Variants in PRKAG2 observed in about 807,000 individuals in gnomAD.
PRKAG2 encodes 5'-AMP-activated protein kinase subunit gamma-2.
In PRKAG2, 26 loss-of-function variants were observed where a neutral mutation model predicts 69.6. The observed-to-expected ratio is 0.37, with a 90% CI of 0.27 to 0.52. PRKAG2 has a LOEUF of 0.52. PRKAG2 is among the 20% of genes least tolerant of loss of function. The probability of loss-of-function intolerance (pLI) is 0.90; values close to 1 mark genes in which losing one functional copy is unlikely to be tolerated. For missense variants in PRKAG2, 557 were observed against 740.0 expected, an observed-to-expected ratio of 0.75 and a Z score of 2.87; for synonymous variants, 293 against 285.0, an observed-to-expected ratio of 1.03 and a Z score of -0.28.
chr7:151,816,879 G>A (rs773870572), intron 1 of PRKAG2, among the ~76,000 whole-genome samples: 1 of 152,214 alleles, frequency 6.6e-6, no homozygotes, highest in Non-Finnish European at 1.5e-5. Context: ...TGGAAAAGCT[G>A]GAAATGTCAG....
At chr7:151,860,498 G>A (rs2079891950) in intron 1 of PRKAG2, among the ~76,000 whole-genome samples, 1 of 152,174 alleles carries the variant, frequency 6.6e-6, no homozygotes, top group Non-Finnish European at 1.5e-5. Flanking sequence ...GTGGAAGGGG[G>A]TGTGGGTTTC....
intron 3 of PRKAG2, among the ~76,000 whole-genome samples, chr7:151,689,340 G>A (rs1003661616): frequency 1.3e-5 from 2 of 152,162 alleles, no homozygotes; most frequent in Non-Finnish European, 2.9e-5. Flanking sequence ...ATGAGGCACA[G>A]GTGGGAAGGG....
chr7:151,772,160 A>C (rs1055189130), intron 3 of PRKAG2, among the ~76,000 whole-genome samples: 3 of 152,206 alleles, frequency 2.0e-5, no homozygotes, highest in African/African-American at 7.2e-5. Context: ...CCAGGGTGTC[A>C]AAGGAAGGCC....
chr7:151,845,050 G>A (rs567259277), intron 1 of PRKAG2, among the ~76,000 whole-genome samples: 1 of 150,280 alleles, frequency 6.7e-6, no homozygotes, highest in South Asian at 2.1e-4. Flanking sequence ...CCCGCACAAG[G>A]GTGCTGGGAG....
intron 2 of PRKAG2, among the ~76,000 whole-genome samples, chr7:151,783,345 G>C (rs1287257030): frequency 6.6e-6 from 1 of 152,100 alleles, no homozygotes; most frequent in African/African-American, 2.4e-5. Context: ...GTGTAGTTCT[G>C]TTTTTTGTTT....
rs767352696 is a variant in PRKAG2 at position 151,614,665 on chromosome 7, C to T, written c.754+17404G>A. Among the ~76,000 whole-genome samples the T allele has an allele frequency of 2.0e-5, 3 of 152,188 alleles. No individual in the cohort carries two copies. Among genetic ancestry groups the T allele is most frequent in the Non-Finnish European group, 4.4e-5 (3 of 68,038 alleles). ...TGCCTTTCTTTCAGAGCAAACAGCTCGCAGTGATGATCTGTGGCCCTAAGC... is the reference window on the plus strand; with the variant it reads ...TGCCTTTCTTTCAGAGCAAACAGCTTGCAGTGATGATCTGTGGCCCTAAGC... On this transcript the variant is annotated intron_variant, in intron 5 of 15. Transcript: ENST00000287878. The surrounding 1 kb of genome is among the most constrained non-coding windows in gnomAD (Gnocchi z 4.4).
intron 1 of PRKAG2, among the ~76,000 whole-genome samples, chr7:151,859,676 G>A (rs1205165432): frequency 3.3e-5 from 5 of 152,200 alleles, no homozygotes; most frequent in South Asian, 4.1e-4. Flanking sequence ...GTCCCTTGGC[G>A]CCATCAGAAG....
chr7:151,861,528 C>T (rs10952324), intron 1 of PRKAG2, among the ~76,000 whole-genome samples: 1 of 96,586 alleles, frequency 1.0e-5, no homozygotes, highest in Non-Finnish European at 2.0e-5. Flanking sequence ...ACTCTGTCTC[C>T]AAAAAAAAAA....
intron 3 of PRKAG2, among the ~76,000 whole-genome samples, chr7:151,708,806 C>A (rs1047009833): frequency 2.0e-5 from 3 of 152,180 alleles, no homozygotes; most frequent in Non-Finnish European, 2.9e-5. Flanking sequence ...TGAGGCAGGG[C>A]CTTTTAAGTT....
At chr7:151,593,424 C>A (rs1340185713) in intron 6 of PRKAG2, among the ~76,000 whole-genome samples, 13 of 152,154 alleles carry the variant, frequency 8.5e-5, no homozygotes, top group Admixed American at 4.6e-4. Context: ...GAACTCCTAA[C>A]CTCAAGTGAT....
chr7:151,669,122 A>T (rs1040465116), intron 4 of PRKAG2, among the ~76,000 whole-genome samples: 3 of 152,108 alleles, frequency 2.0e-5, no homozygotes, highest in South Asian at 2.1e-4. Flanking sequence ...TTTTCTCTCC[A>T]ATCTTTAATT....
chr7:151,871,638 G>A (rs1297412248), intron 1 of PRKAG2, among the ~76,000 whole-genome samples: 1 of 152,198 alleles, frequency 6.6e-6, no homozygotes, highest in East Asian at 1.9e-4. Context: ...AAATTACTTA[G>A]TAGTTCTAGG....
At chr7:151,811,646 G>A (rs1213266396) in intron 1 of PRKAG2, among the ~76,000 whole-genome samples, 3 of 152,224 alleles carry the variant, frequency 2.0e-5, no homozygotes, top group African/African-American at 7.2e-5. Flanking sequence ...CAGGTGTGCA[G>A]GGCTGATGAC....
At chr7:151,856,560 T>C (rs1294093194) in intron 1 of PRKAG2, among the ~76,000 whole-genome samples, 1 of 152,256 alleles carries the variant, frequency 6.6e-6, no homozygotes, top group African/African-American at 2.4e-5. Flanking sequence ...CAACTCATTC[T>C]ATCTGAGCCT....
At chr7:151,681,922 G>A (rs962636581) in intron 3 of PRKAG2, among the ~76,000 whole-genome samples, 4 of 152,190 alleles carry the variant, frequency 2.6e-5, no homozygotes, top group African/African-American at 9.7e-5. Flanking sequence ...ACTGCAGAGG[G>A]AAAGAAGAGG....
chr7:151,703,137 G>A (rs1838001819), intron 3 of PRKAG2, among the ~76,000 whole-genome samples: 1 of 152,142 alleles, frequency 6.6e-6, no homozygotes, highest in Non-Finnish European at 1.5e-5. Flanking sequence ...TGCTCAAATA[G>A]CTCATCTTTC....
chr7:151,743,579 C>T (rs1223408302), intron 3 of PRKAG2, among the ~76,000 whole-genome samples: 1 of 152,228 alleles, frequency 6.6e-6, no homozygotes, highest in Non-Finnish European at 1.5e-5. Flanking sequence ...TAGCATGCTT[C>T]ATTGTTTTCT....
intron 5 of PRKAG2, among the ~76,000 whole-genome samples, chr7:151,623,965 T>A (rs1046307426): frequency 6.6e-6 from 1 of 152,040 alleles, no homozygotes; most frequent in African/African-American, 2.4e-5. Context: ...CAAGAAAATG[T>A]GGAAAATGAT....
At chr7:151,761,584 G>A (rs1224822969) in intron 3 of PRKAG2, among the ~76,000 whole-genome samples, 1 of 152,078 alleles carries the variant, frequency 6.6e-6, no homozygotes, top group East Asian at 1.9e-4. Context: ...CCTAGTCCCT[G>A]CCCGCCAAAC....
Sources: allele counts gnomAD v4.1 joint callset (sites outside exome capture counted in the v4.1 genomes callset), GRCh38; gene constraint gnomAD v4.1.1; non-coding constraint Gnocchi (gnomAD v3.1); transcripts MANE v1.5; gene names NCBI Gene and HGNC (gene_info 2026-07-23, HGNC 2026-07-21).